Variants in KLHL32 observed in about 807,000 individuals in gnomAD.
The protein encoded by KLHL32 is kelch-like protein 32.
KLHL32 carries 35 observed loss-of-function variants against 64.8 expected under a neutral mutation model. The observed-to-expected ratio is 0.54, with a 90% CI of 0.41 to 0.72. The LOEUF (loss-of-function observed/expected upper bound fraction) is 0.72. Ranked by LOEUF, KLHL32 falls within the 30% of genes least tolerant of loss-of-function variation. The probability of loss-of-function intolerance (pLI) is 0.00; values close to 1 mark genes in which losing one functional copy is unlikely to be tolerated. For synonymous variants in KLHL32, 259 were observed against 281.0 expected, an observed-to-expected ratio of 0.92 and a Z score of 0.78; for missense variants, 589 against 768.5, an observed-to-expected ratio of 0.77 and a Z score of 2.76.
chr6:96,939,004 G>T (rs1196789779), intron 1 of KLHL32, among the ~76,000 whole-genome samples: 1 of 152,134 alleles, frequency 6.6e-6, no homozygotes, highest in East Asian at 1.9e-4. Flanking sequence ...TATGGATGTA[G>T]GGTAATGTGA....
intron 6 of KLHL32, among the ~76,000 whole-genome samples, chr6:97,100,966 C>T (rs1208000848): frequency 2.4e-3 from 166 of 69,440 alleles, no homozygotes; most frequent in Middle Eastern, 0.019. Context: ...TGCAGCCAAG[C>T]TTTTTTTTTT....
chr6:97,072,741 C>T (rs1790947724), intron 5 of KLHL32, among the ~76,000 whole-genome samples: 1 of 152,136 alleles, frequency 6.6e-6, no homozygotes, highest in Admixed American at 6.5e-5. Context: ...ACTTGGCTCA[C>T]ATTGTCTCCT....
chr6:96,969,192 A>G (rs1774839761), intron 2 of KLHL32, among the ~76,000 whole-genome samples: 1 of 152,090 alleles, frequency 6.6e-6, no homozygotes, highest in Non-Finnish European at 1.5e-5. Flanking sequence ...TCCAAAGACC[A>G]TCTCCCTGCA....
At chr6:97,020,024 C>T (rs983738149) in intron 3 of KLHL32, among the ~76,000 whole-genome samples, 115 of 150,956 alleles carry the variant, frequency 7.6e-4, no homozygotes, top group African/African-American at 2.8e-3. Flanking sequence ...CTCACTGCAA[C>T]CTCTGCCTCC....
intron 3 of KLHL32, among the ~76,000 whole-genome samples, chr6:96,994,123 A>G (rs1297897584): frequency 6.6e-6 from 1 of 152,200 alleles, no homozygotes; most frequent in South Asian, 2.1e-4. Flanking sequence ...TCTCATTCAC[A>G]ATATATGCCA....
intron 1 of KLHL32, among the ~76,000 whole-genome samples, chr6:96,930,558 C>T (rs534313725): frequency 6.6e-6 from 1 of 152,192 alleles, no homozygotes; most frequent in Admixed American, 6.5e-5. Context: ...TTCCCTCTGC[C>T]TCCCCTTTCC....
chr6:96,909,861 T>A, the KLHL32 span, among the ~76,000 whole-genome samples: 106 of 152,344 alleles, frequency 7.0e-4, no homozygotes, highest in African/African-American at 2.4e-3. Context: ...TCAGCAGTTG[T>A]GTCCTGCTGG....
In KLHL32 at chr6:97,064,675, T is replaced by C; in HGVS notation, c.360T>C (p.Ser120=). ...GVIQDVLAAG[S]HLQLLELLNL... ...TCCAGGATGTGCTAGCAGCGGGCAG[T>C]CACCTACAGCTGTTGGAGCTTCTCA... The change falls in exon 5 of 11, where the codon AGT becomes AGC. Residue 120 remains serine (S), a synonymous_variant. Transcript: ENST00000369261. The C allele has an allele frequency of 1.2e-6, 2 of 1,614,188 alleles. No individual in the cohort carries two copies. The highest frequency in any genetic ancestry group is 1.7e-6 in the Non-Finnish European group (2 of 1,180,020).
At chr6:96,901,007 G>T in the KLHL32 span, among the ~76,000 whole-genome samples, 15 of 152,280 alleles carry the variant, frequency 9.9e-5, no homozygotes, top group African/African-American at 3.4e-4. Context: ...CTGGGAGCGG[G>T]GGGTAGTGCC....
At chr6:97,139,094 C>A (rs962472709) in intron 10 of KLHL32, 27 bp from the exon 11 acceptor site, 2 of 1,590,904 alleles carry the variant, frequency 1.3e-6, no homozygotes, top group Non-Finnish European at 1.7e-6. Flanking sequence ...CTTTGATACA[C>A]AAGCTTCTTC....
At chr6:96,952,852 T>C (rs774496368) in intron 1 of KLHL32, among the ~76,000 whole-genome samples, 1 of 152,178 alleles carries the variant, frequency 6.6e-6, no homozygotes, top group African/African-American at 2.4e-5. Flanking sequence ...TGGTGACCAA[T>C]TGACTCCACC....
chr6:96,992,020 C>G (rs910622941), intron 3 of KLHL32, among the ~76,000 whole-genome samples: 1 of 152,200 alleles, frequency 6.6e-6, no homozygotes, highest in Non-Finnish European at 1.5e-5. Context: ...GCCTGCGACC[C>G]GAGAGCTCAG....
At chr6:96,990,067 A>G (rs1294938904) in intron 3 of KLHL32, among the ~76,000 whole-genome samples, 1 of 152,186 alleles carries the variant, frequency 6.6e-6, no homozygotes, top group Non-Finnish European at 1.5e-5. Context: ...ATTCTCATCC[A>G]TATTCTGAAT....
intron 1 of KLHL32, among the ~76,000 whole-genome samples, chr6:96,954,431 G>C (rs1219786804): frequency 6.7e-6 from 1 of 149,062 alleles, no homozygotes; most frequent in Non-Finnish European, 1.5e-5. Flanking sequence ...CTGAGCACAT[G>C]GGCAGGCTTG....
chr6:96,962,630 C>G (rs1773998838), intron 1 of KLHL32, among the ~76,000 whole-genome samples: 1 of 152,158 alleles, frequency 6.6e-6, no homozygotes, highest in Non-Finnish European at 1.5e-5. Flanking sequence ...TGGAGCAAAT[C>G]ACTACATGAT....
In KLHL32 at chr6:96,959,710, A is replaced by T. The variant is rs572517995; in HGVS notation, c.-65-7286A>T. On this transcript the variant is annotated intron_variant, in intron 1 of 10. Transcript: ENST00000369261. Reference sequence around the variant, plus strand: ...GCTCACATCAGGGCCTCCTTGGGAGACACTAGCATGCGGTGGTTGCAGGTT... The same window carrying T: ...GCTCACATCAGGGCCTCCTTGGGAGTCACTAGCATGCGGTGGTTGCAGGTT... Among the ~76,000 whole-genome samples the T allele has an allele frequency of 3.9e-4, 59 of 152,200 alleles. No individual in the cohort carries two copies. In the South Asian group the frequency reaches 0.011, roughly 29 times the overall value.
intron 10 of KLHL32, among the ~76,000 whole-genome samples, chr6:97,136,156 A>T (rs1312651307): frequency 1.3e-5 from 2 of 152,218 alleles, no homozygotes; most frequent in Non-Finnish European, 2.9e-5. Flanking sequence ...ATACTTAAAT[A>T]GTTCTGAGAT....
chr6:97,070,964 C>G (rs772789161), intron 5 of KLHL32, among the ~76,000 whole-genome samples: 2 of 152,178 alleles, frequency 1.3e-5, no homozygotes, highest in Non-Finnish European at 2.9e-5. Context: ...TGTCTCTCCT[C>G]TTTCCTGAAG....
intron 8 of KLHL32, among the ~76,000 whole-genome samples, chr6:97,129,484 A>G (rs1305722134): frequency 6.6e-6 from 1 of 152,196 alleles, no homozygotes; most frequent in Non-Finnish European, 1.5e-5. Flanking sequence ...TAATTTTACA[A>G]TGAGAGCCTT....
Sources: gnomAD v4.1 joint callset for allele counts (sites outside exome capture counted in the v4.1 genomes callset) on GRCh38, gnomAD v4.1.1 for gene constraint, MANE v1.5 for transcripts, NCBI Gene and HGNC (gene_info 2026-07-23, HGNC 2026-07-21) for gene names.